TRIOBP: variants seen among roughly 807,000 people sequenced by gnomAD.
TRIOBP encodes TRIO and F-actin binding protein, also known as TRIO and F-actin-binding protein.
TRIOBP carries 169 observed loss-of-function variants against 238.8 expected under a neutral mutation model. The ratio of observed to expected loss-of-function variants is 0.71; its 90% CI spans 0.62 to 0.80. TRIOBP has a LOEUF of 0.80. TRIOBP is among the 30% of genes least tolerant of loss of function. The probability of loss-of-function intolerance (pLI) is 0.00; values close to 1 mark genes in which losing one functional copy is unlikely to be tolerated. For synonymous variants in TRIOBP, 1,150 were observed against 1,274.4 expected, an observed-to-expected ratio of 0.90 and a Z score of 2.08; for missense variants, 2,838 against 3,122.6, an observed-to-expected ratio of 0.91 and a Z score of 2.17.
At chr22:37,760,533 AAATTT>A (rs753901282) in intron 17 of TRIOBP, among the ~76,000 whole-genome samples, 10 of 152,228 alleles carry the variant, frequency 6.6e-5, no homozygotes, top group Non-Finnish European at 1.5e-4. Flanking sequence ...AGGAAGTAAT[AAATTT>A]GAGTATCTAT....
intron 4 of TRIOBP, among the ~76,000 whole-genome samples, chr22:37,712,805 A>C (rs1393446003): frequency 2.0e-5 from 3 of 151,520 alleles, no homozygotes; most frequent in African/African-American, 7.3e-5. Context: ...AAAATACAAA[A>C]AATTAGCCAG....
chr22:37,727,231 C>T (rs1304017067), intron 7 of TRIOBP, among the ~76,000 whole-genome samples: 1 of 146,558 alleles, frequency 6.8e-6, no homozygotes, highest in Non-Finnish European at 1.5e-5. Context: ...AACTCTCAAA[C>T]CCTTTGATCC....
intron 6 of TRIOBP, among the ~76,000 whole-genome samples, chr22:37,716,751 G>A (rs1362853313): frequency 6.6e-6 from 1 of 152,230 alleles, no homozygotes; most frequent in African/African-American, 2.4e-5. Flanking sequence ...GGTTTTTGAG[G>A]AGGAAAGTCA....
intron 4 of TRIOBP, among the ~76,000 whole-genome samples, chr22:37,712,618 A>AGC (rs1923309279): frequency 6.6e-6 from 1 of 150,742 alleles, no homozygotes; most frequent in Non-Finnish European, 1.5e-5. Flanking sequence ...TTCAGGTGTG[A>AGC]GCCACTGCGC....
Position 37,715,844 on chromosome 22 carries a change from G to T in TRIOBP, c.538G>T (p.Glu180Ter). The T allele has an allele frequency of 6.2e-7, 1 of 1,614,076 alleles. No homozygotes were observed. The highest frequency in any genetic ancestry group is 1.1e-5 in the South Asian group (1 of 91,072). ...LAVMIPRRPR[E>*]GPRADSSQRA... is the part of the protein sequence containing the mutation. ...AGTGATGATCCCGAGGAGGCCTCGG[G>T]AGGGGCCGAGAGCTGACAGCTCCCA... is the stretch of plus-strand genomic sequence containing the variant. The change falls in exon 6 of 24, where the codon GAG becomes TAG. Residue 180 changes from glutamate to a stop codon, truncating the protein, a stop_gained. Transcript: ENST00000644935. LOFTEE classifies it high-confidence loss of function.
chr22:37,769,064 GCT>G lies in TRIOBP; in HGVS notation c.6613_6614del (p.Leu2205IlefsTer19). 6.2e-7 allele frequency: 1 copy of G among 1,613,572 alleles called. No individual in the cohort carries two copies. The highest frequency in any genetic ancestry group is 8.5e-7 in the Non-Finnish European group (1 of 1,180,030). ...AGGCACTGAAGCGAGAGCTGCAGGT[GCT>G]ATCGGAGCAGTACTCGCAGAAGTGC... ...VEALKRELQV[L>X]SEQYSQKCLE... On this transcript the variant is annotated frameshift_variant, in exon 20 of 24. Transcript: ENST00000644935. LOFTEE classifies it high-confidence loss of function.
chr22:37,716,014 T>A, intron 6 of TRIOBP, 80 bp downstream of exon 6: 1 of 1,522,428 alleles, frequency 6.6e-7, no homozygotes, highest in South Asian at 1.2e-5. Flanking sequence ...CATTTGGGAC[T>A]CTGGGCACGG....
chr22:37,723,903 C>G lies in TRIOBP; in HGVS notation c.1347C>G (p.Asp449Glu), dbSNP rs1923968947. 1 of 1,570,786 alleles carries G rather than the reference C, an allele frequency of 6.4e-7. No homozygotes were observed. The highest frequency in any genetic ancestry group is 1.7e-4 in the Middle Eastern group (1 of 5,924). The part of the protein sequence containing the change: ...RASSPSRATR[D>E]NPTTSCAQRD... ...CCTCTCCCAGTAGAGCTACACGAGA[C>G]AACCCCACAACATCCTGTGCCCAGC... is the stretch of plus-strand genomic sequence containing the variant. Residue 449 changes from aspartate (D) to glutamate (E), a missense_variant, in exon 7 of 24, where the codon GAC becomes GAG. Around this residue, in one of 5 missense-constraint regions of TRIOBP, gnomAD observed 26 missense variants for 49.3 expected, o/e 0.53. Transcript: ENST00000644935.
rs767799372 is a variant in TRIOBP, at chr22:37,772,729, G to A, written c.7065G>A (p.Glu2355=). Residue 2355 remains glutamate, a synonymous_variant, in exon 23 of 24, where the codon GAG becomes GAA. Coordinates refer to ENST00000644935, the MANE Select transcript of TRIOBP (RefSeq NM_001039141.3). The part of the protein sequence containing the change: ...HLRLAMAALQ[E]KESMRNSLAE ...GTCTTGCCATGGCCGCCCTCCAGGAGAAGGAGTCGATGCGCAACAGCCTGG... is the reference window on the plus strand; with the variant it reads ...GTCTTGCCATGGCCGCCCTCCAGGAAAAGGAGTCGATGCGCAACAGCCTGG... The A allele has an allele frequency of 4.3e-6, 7 of 1,613,806 alleles. No homozygotes were observed. Among genetic ancestry groups the A allele is most frequent in the Non-Finnish European group, 5.9e-6 (7 of 1,180,026 alleles).
At chr22:37,763,907 C>G (rs1362678064) in intron 17 of TRIOBP, among the ~76,000 whole-genome samples, 3 of 152,222 alleles carry the variant, frequency 2.0e-5, no homozygotes, top group Non-Finnish European at 4.4e-5. Context: ...CGTTGTATCC[C>G]TTGCCTGCTC....
Position 37,723,705 on chromosome 22 carries a change from C to T in TRIOBP, c.1149C>T (p.Val383=), listed in dbSNP as rs1352722754. Residue 383 remains valine, a synonymous_variant, in exon 7 of 24, where the codon GTC becomes GTT. Coordinates refer to ENST00000644935, the MANE Select transcript of TRIOBP (RefSeq NM_001039141.3). ...GGGAAAACCCCAGGACACCCTGTGT[C>T]CAGCAGGACGATCCCAGAGCCTCCT... is the stretch of plus-strand genomic sequence containing the variant. ...PQRENPRTPC[V]QQDDPRASSP... is the part of the protein sequence containing the mutation. 6.2e-7 allele frequency: 1 copy of T among 1,612,224 alleles called. No homozygotes were observed. The highest frequency in any genetic ancestry group is 1.7e-5 in the Admixed American group (1 of 59,808).
intron 7 of TRIOBP, among the ~76,000 whole-genome samples, chr22:37,729,360 C>T (rs369965232): frequency 2.6e-4 from 39 of 152,150 alleles, no homozygotes; most frequent in East Asian, 9.7e-4. Flanking sequence ...GGACTACAGG[C>T]GTGTACCACT....
Position 37,724,697 on chromosome 22 carries a change from C to G in TRIOBP, c.2141C>G (p.Thr714Ser), listed in dbSNP as rs1924029483. The change falls in exon 7 of 24, where the codon ACC becomes AGC. Residue 714 changes from threonine to serine, a missense_variant. Physicochemically the swap from Thr to Ser is moderately conservative, Grantham distance 58. Transcript: ENST00000644935. ...CCCAGAGCCTCCTCTCCTAACAGAA[C>G]CACCCAACAAGAGAACCCCAGAACA... ...DDPRASSPNR[T>S]TQQENPRTSC... 1.2e-6 allele frequency: 2 copies of G among 1,609,900 alleles called. No homozygotes were observed. The highest frequency in any genetic ancestry group is 2.2e-5 in the South Asian group (2 of 90,948).
Position 37,733,423 on chromosome 22 carries a change from C to A in TRIOBP, c.4062+11C>A, listed in dbSNP as rs750789565. ...GCCCCCAGCAGGCAGGTGAGCACTG[C>A]CAGCTGTCTGGGGCCCCGCACCCCA... On this transcript the variant is annotated intron_variant, in intron 8 of 23. Coordinates refer to ENST00000644935, the MANE Select transcript of TRIOBP (RefSeq NM_001039141.3). 1 of 1,547,976 alleles carries A rather than the reference C, an allele frequency of 6.5e-7. No homozygotes were observed. Among genetic ancestry groups the A allele is most frequent in the South Asian group, 1.2e-5 (1 of 84,026 alleles).
chr22:37,755,569 C>T lies in TRIOBP; in HGVS notation c.5597C>T (p.Thr1866Ile), dbSNP rs1240792319. 1.9e-6 allele frequency: 3 copies of T among 1,614,016 alleles called. No homozygotes were observed. The highest frequency in any genetic ancestry group is 1.7e-6 in the Non-Finnish European group (2 of 1,180,012). The change falls in exon 15 of 24, where the codon ACC becomes ATC. Residue 1866 changes from threonine (T) to isoleucine (I), a missense_variant. Thr to Ile is a moderately conservative substitution (Grantham distance 89). Around this residue, in one of 5 missense-constraint regions of TRIOBP, gnomAD observed 2,096 missense variants for 2,137.4 expected, o/e 0.98. Coordinates refer to ENST00000644935, the MANE Select transcript of TRIOBP (RefSeq NM_001039141.3). ...FQIHTKDAVY[T>I]LSAMTSGIRR... ...TTGCAGACCAAGGATGCTGTCTATACCTTGTCGGCCATGACCTCAGGCATC... is the reference window on the plus strand; with the variant it reads ...TTGCAGACCAAGGATGCTGTCTATATCTTGTCGGCCATGACCTCAGGCATC...
At chr22:37,699,028 A>G (rs1922504329) in intron 2 of TRIOBP, among the ~76,000 whole-genome samples, 1 of 151,940 alleles carries the variant, frequency 6.6e-6, no homozygotes, top group South Asian at 2.1e-4. Context: ...GTGATCCCAG[A>G]TACTACTGGG....
At chr22:37,740,797 G>C in intron 10 of TRIOBP, 98 bp from the exon 11 acceptor site, 2 of 1,524,660 alleles carry the variant, frequency 1.3e-6, no homozygotes, top group Non-Finnish European at 1.8e-6. Flanking sequence ...GGGGCTCCAT[G>C]GTGGGGGGCA....
Position 37,740,934 on chromosome 22 carries a change from C to A in TRIOBP, c.5224C>A (p.Leu1742Ile). Reference sequence around the variant, plus strand: ...AGCAGAGGGCAAGGCTGGGAGCCCGCTCAAGGGCCGACTGGTGACCTCATG... The same window carrying A: ...AGCAGAGGGCAAGGCTGGGAGCCCGATCAAGGGCCGACTGGTGACCTCATG... ...RPAEGKAGSP[L>I]KGRLVTSWRM... Residue 1742 changes from leucine (L) to isoleucine (I), a missense_variant, in exon 11 of 24, where the codon CTC becomes ATC. Coordinates refer to ENST00000644935, the MANE Select transcript of TRIOBP (RefSeq NM_001039141.3). 1 of 1,571,342 alleles carries A rather than the reference C, an allele frequency of 6.4e-7. No homozygotes were observed. Among genetic ancestry groups the A allele is most frequent in the East Asian group, 2.3e-5 (1 of 43,260 alleles).
chr22:37,742,703 TGGCAGGAGGG>T (rs901222705), intron 11 of TRIOBP, among the ~76,000 whole-genome samples: 2 of 152,172 alleles, frequency 1.3e-5, no homozygotes, highest in Non-Finnish European at 2.9e-5. Flanking sequence ...ACAGCACGTC[TGGCAGGAGGG>T]GGCAGGTAAG....
Sources: allele counts gnomAD v4.1 joint callset (sites outside exome capture counted in the v4.1 genomes callset), GRCh38; gene constraint gnomAD v4.1.1; regional missense constraint gnomAD v4.1.1; transcripts MANE v1.5; gene names NCBI Gene and HGNC (gene_info 2026-07-23, HGNC 2026-07-21).